Variants in RBM26 observed in about 807,000 individuals in gnomAD.
The protein encoded by RBM26 is RNA-binding protein 26.
RBM26 carries 30 observed loss-of-function variants against 123.6 expected under a neutral mutation model. That is an observed-to-expected ratio of 0.24 (90% confidence interval 0.18 to 0.33). The LOEUF (loss-of-function observed/expected upper bound fraction) is 0.33, where lower values mean the gene tolerates loss of function less well. RBM26 is among the 10% of genes least tolerant of loss of function. The pLI, the probability that RBM26 is intolerant of heterozygous loss-of-function variation, is 1.00. For missense variants in RBM26, 947 were observed against 1,203.6 expected (o/e 0.79, Z 3.15); for synonymous variants, 400 against 404.4 (o/e 0.99, Z 0.13).
chr13:79,374,824 A>G (rs2140167756), intron 3 of RBM26, among the ~76,000 whole-genome samples: 1 of 152,046 alleles, frequency 6.6e-6, no homozygotes, highest in East Asian at 1.9e-4. Flanking sequence ...GCCATCTGGC[A>G]TTTCAACAAT....
At chr13:79,322,293 T>G in intron 21 of RBM26, 56 bp downstream of exon 21, 1 of 1,140,304 alleles carries the variant, frequency 8.8e-7, no homozygotes, top group Non-Finnish European at 1.2e-6. Flanking sequence ...AATCACATTT[T>G]ATATAAAAGC....
chr13:79,403,195 T>C (rs1286190006), intron 1 of RBM26, among the ~76,000 whole-genome samples: 1 of 151,918 alleles, frequency 6.6e-6, no homozygotes, highest in Non-Finnish European at 1.5e-5. Flanking sequence ...TAAGTCATCA[T>C]ACAAAAGAAT....
chr13:79,402,232 A>T (rs1314432672), intron 1 of RBM26, among the ~76,000 whole-genome samples: 1 of 152,162 alleles, frequency 6.6e-6, no homozygotes, highest in Admixed American at 6.5e-5. Flanking sequence ...TGACTAAGCA[A>T]ATCTTTGAGA....
intron 1 of RBM26, among the ~76,000 whole-genome samples, chr13:79,404,116 T>A (rs1430886523): frequency 1.3e-5 from 2 of 152,214 alleles, no homozygotes; most frequent in Non-Finnish European, 2.9e-5. Flanking sequence ...TATTCAATGA[T>A]CTGCTATCAC....
chr13:79,315,743 T>A (rs548823843), downstream of RBM26, among the ~76,000 whole-genome samples: 1 of 151,918 alleles, frequency 6.6e-6, no homozygotes, highest in Non-Finnish European at 1.5e-5. Context: ...AAATTAGGTG[T>A]TTTTCTACTA....
rs757909607 is a variant in RBM26, at chr13:79,378,794, T to C, written c.185A>G (p.Gln62Arg). The C allele has an allele frequency of 1.9e-6, 3 of 1,563,552 alleles. No individual in the cohort carries two copies. Among genetic ancestry groups the C allele is most frequent in the Non-Finnish European group, 2.6e-6 (3 of 1,140,064 alleles). Residue 62 changes from glutamine to arginine, a missense_variant, in exon 2 of 22, where the codon CAG becomes CGG. Around this residue, in one of 5 missense-constraint regions of RBM26, gnomAD observed 275 missense variants for 361.0 expected, o/e 0.76. Coordinates refer to ENST00000438737, the MANE Select transcript of RBM26 (RefSeq NM_001366735.2). ...TTTTAAACCAAAGATCTTACCTTTCTGAAGAAATACATCCAGCTGATCAAT... is the reference window on the plus strand; with the variant it reads ...TTTTAAACCAAAGATCTTACCTTTCCGAAGAAATACATCCAGCTGATCAAT... ...LCIDQLDVFLQKETQIFVEKL... is the reference protein window; with the variant it reads ...LCIDQLDVFLRKETQIFVEKL...
intron 19 of RBM26, among the ~76,000 whole-genome samples, chr13:79,335,575 A>G (rs1214985663): frequency 6.6e-6 from 1 of 152,156 alleles, no homozygotes; most frequent in Non-Finnish European, 1.5e-5. Context: ...CATGTGTTCA[A>G]ATCATAGGTT....
At chr13:79,344,171 G>T in intron 16 of RBM26, 77 bp downstream of exon 16, 1 of 888,084 alleles carries the variant, frequency 1.1e-6, no homozygotes, top group Non-Finnish European at 1.9e-6. Context: ...ATCTTTTTAT[G>T]ACTAGGTAGC....
At chr13:79,398,011 C>A (rs1179030520) in intron 1 of RBM26, among the ~76,000 whole-genome samples, 1 of 152,154 alleles carries the variant, frequency 6.6e-6, no homozygotes, top group Non-Finnish European at 1.5e-5. Flanking sequence ...ATTTAATACA[C>A]ACATAAAAGA....
At chr13:79,340,025 CTAT>C (rs1465905778) in intron 18 of RBM26, among the ~76,000 whole-genome samples, 1 of 151,990 alleles carries the variant, frequency 6.6e-6, no homozygotes, top group Non-Finnish European at 1.5e-5. Context: ...TTTGTTAATG[CTAT>C]TATTTATTTA....
chr13:79,373,495 GTATAAATA>G (rs2076302413), intron 3 of RBM26, among the ~76,000 whole-genome samples: 1 of 8,494 alleles, frequency 1.2e-4, no homozygotes, highest in Admixed American at 1.5e-3. Flanking sequence ...TATATAATAT[GTATAAATA>G]TACTTATTTA....
rs2076742878 is a variant in RBM26, at chr13:79,377,393, T to C, written c.313A>G (p.Ile105Val). The stretch of plus-strand genomic sequence containing the variant: ...CAAATCGTTACCTCTTCCTTCTTTA[T>C]ATCTTTTTCTTGGTGTGGAAAAAAT... ...VEFFPHQEKD[I>V]KKEEITKEEE... The change falls in exon 3 of 22, where the codon ATA becomes GTA. Residue 105 changes from isoleucine (I) to valine (V), a missense_variant. Ile to Val is a conservative substitution (Grantham distance 29). Coordinates refer to ENST00000438737, the MANE Select transcript of RBM26 (RefSeq NM_001366735.2). 6.2e-7 allele frequency: 1 copy of C among 1,613,622 alleles called. No homozygotes were observed. Among genetic ancestry groups the C allele is most frequent in the South Asian group, 1.1e-5 (1 of 91,078 alleles).
intron 1 of RBM26, among the ~76,000 whole-genome samples, chr13:79,398,802 T>C (rs952679747): frequency 1.3e-5 from 2 of 152,232 alleles, no homozygotes; most frequent in African/African-American, 4.8e-5. Flanking sequence ...AATCTTCAAA[T>C]AGCTCACATA....
Position 79,405,832 on chromosome 13 carries a change from A to G in RBM26, c.-58T>C. ...CGCCCGCCCAGGTCGCGGCCGCTAC[A>G]GCCGCCGCTGCCCCCGCCCCCTCCT... On this transcript the variant is annotated 5_prime_UTR_variant, in exon 1 of 22. Coordinates refer to ENST00000438737, the MANE Select transcript of RBM26 (RefSeq NM_001366735.2). 8.8e-7 allele frequency: 1 copy of G among 1,137,392 alleles called. No homozygotes were observed. The highest frequency in any genetic ancestry group is 1.6e-5 in the African/African-American group (1 of 63,340). 70.5% of individuals were successfully genotyped at this position (1,137,392 alleles called of 1,614,324 possible). A position where few individuals can be genotyped will look rare whatever the true frequency, so the allele number is the denominator to read the frequency against.
chr13:79,324,127 T>C (rs1311952722), intron 20 of RBM26, among the ~76,000 whole-genome samples: 2 of 151,786 alleles, frequency 1.3e-5, no homozygotes, highest in African/African-American at 4.8e-5. Flanking sequence ...AGTCCATGAT[T>C]ATCCCTAGCC....
intron 1 of RBM26, among the ~76,000 whole-genome samples, chr13:79,396,974 G>T (rs1292437309): frequency 6.6e-6 from 1 of 152,218 alleles, no homozygotes; most frequent in East Asian, 1.9e-4. Flanking sequence ...GAGGTCAGGA[G>T]TTCAGGACCA....
At chr13:79,344,135 T>C in intron 16 of RBM26, 113 bp downstream of exon 16, 1 of 748,806 alleles carries the variant, frequency 1.3e-6, no homozygotes, top group Non-Finnish European at 2.4e-6. Flanking sequence ...GACAAATATT[T>C]GTTTTACCAT....
At chr13:79,355,595 T>C (rs753747627) in intron 11 of RBM26, among the ~76,000 whole-genome samples, 7 of 152,192 alleles carry the variant, frequency 4.6e-5, no homozygotes, top group Non-Finnish European at 1.0e-4. Context: ...TTCCTCTATA[T>C]AATAGCAGAG....
Position 79,368,847 on chromosome 13 carries a change from G to A in RBM26, c.778C>T (p.Pro260Ser). Reference sequence around the variant, plus strand: ...GTAGTGTTGTTTCCATGATGAGTAGGAGCAATTACTGTAATAGTGCTGCTC... The same window carrying A: ...GTAGTGTTGTTTCCATGATGAGTAGAAGCAATTACTGTAATAGTGCTGCTC... ...TLSSTITVIAPTHHGNNTTES... is the reference protein window; with the variant it reads ...TLSSTITVIASTHHGNNTTES... Residue 260 changes from proline to serine, a missense_variant, in exon 6 of 22, where the codon CCT becomes TCT. This residue lies in a region of RBM26 where 275 missense variants were observed against 361.0 expected (regional missense o/e 0.76). Transcript: ENST00000438737. 6.2e-7 allele frequency: 1 copy of A among 1,613,846 alleles called. No individual in the cohort carries two copies. The highest frequency in any genetic ancestry group is 8.5e-7 in the Non-Finnish European group (1 of 1,179,862).
Sources: gnomAD v4.1 joint callset for allele counts (sites outside exome capture counted in the v4.1 genomes callset) on GRCh38, gnomAD v4.1.1 for gene constraint, gnomAD v4.1.1 regional missense constraint, MANE v1.5 for transcripts, NCBI Gene and HGNC (gene_info 2026-07-23, HGNC 2026-07-21) for gene names.